Variants in PTPRM observed in about 807,000 individuals in gnomAD.
The protein encoded by PTPRM is receptor-type tyrosine-protein phosphatase mu.
PTPRM carries 47 observed loss-of-function variants against 186.7 expected under a neutral mutation model. The ratio of observed to expected loss-of-function variants is 0.25; its 90% CI spans 0.20 to 0.32. The LOEUF is 0.32. Ranked by LOEUF, PTPRM falls within the 10% of genes least tolerant of loss-of-function variation. The pLI is 1.00. For missense variants in PTPRM, 1,494 were observed against 1,865.0 expected (o/e 0.80, Z 3.66); for synonymous variants, 668 against 674.9 (o/e 0.99, Z 0.16).
chr18:7,791,016 A>G (rs1458995251), intron 2 of PTPRM, among the ~76,000 whole-genome samples: 1 of 152,062 alleles, frequency 6.6e-6, no homozygotes, highest in Admixed American at 6.5e-5. Context: ...TGTCATGTTT[A>G]TTTATTTTTT....
chr18:8,113,491 A>C lies in PTPRM; in HGVS notation c.1862A>C (p.Tyr621Ser), dbSNP rs1344169452. The change falls in exon 12 of 33, where the codon TAT becomes TCT. Residue 621 changes from tyrosine to serine, a missense_variant. Tyr to Ser is a moderately radical substitution (Grantham distance 144). Around this residue, in one of 3 missense-constraint regions of PTPRM, gnomAD observed 1,107 missense variants for 1,350.2 expected, o/e 0.82. Transcript: ENST00000580170. ...TGGTACTCTTGTTTTTCTAGTGTCT[A>C]TCAAATAGTTGTTGAGGAAGAACGT... ...AHSRGAPVSV[Y>S]QIVVEEERPR... 23 of 1,612,808 alleles carry C rather than the reference A, an allele frequency of 1.4e-5. No individual in the cohort carries two copies. The highest frequency in any genetic ancestry group is 1.8e-5 in the Non-Finnish European group (21 of 1,178,932).
At chr18:7,866,664 T>C (rs1261560713) in intron 2 of PTPRM, among the ~76,000 whole-genome samples, 1 of 152,188 alleles carries the variant, frequency 6.6e-6, no homozygotes, top group Non-Finnish European at 1.5e-5. Context: ...TCATATTCTG[T>C]TGATTTGGGG....
At chr18:8,247,520 T>C (rs2094488498) in intron 15 of PTPRM, among the ~76,000 whole-genome samples, 1 of 152,212 alleles carries the variant, frequency 6.6e-6, no homozygotes, top group African/African-American at 2.4e-5. Flanking sequence ...CAGCTTGGCC[T>C]GAGAGCAGAT....
chr18:8,352,653 G>GTTTTTTTTTTTTTT (rs1355276752), intron 23 of PTPRM, among the ~76,000 whole-genome samples: 2 of 121,342 alleles, frequency 1.6e-5, no homozygotes, highest in African/African-American at 2.9e-5. Context: ...TTTTGGTTTG[G>GTTTTTTTTTTTTTT]TTTTTTTTGT....
intron 7 of PTPRM, among the ~76,000 whole-genome samples, chr18:8,063,359 A>T (rs1291055743): frequency 6.6e-6 from 1 of 151,484 alleles, no homozygotes; most frequent in East Asian, 1.9e-4. Flanking sequence ...GGCACTCCCT[A>T]GTGAGATGAA....
intron 14 of PTPRM, among the ~76,000 whole-genome samples, chr18:8,160,214 A>C (rs2093203524): frequency 6.6e-6 from 1 of 152,226 alleles, no homozygotes; most frequent in African/African-American, 2.4e-5. Flanking sequence ...TTGTTCAAAA[A>C]AACGAATAAA....
At chr18:7,766,833 A>G (rs1233834372) in intron 1 of PTPRM, among the ~76,000 whole-genome samples, 1 of 152,208 alleles carries the variant, frequency 6.6e-6, no homozygotes, top group Non-Finnish European at 1.5e-5. Context: ...TAGAGCTAAG[A>G]GGTGTAATAC....
chr18:8,159,464 AAAAAC>A (rs141905043), intron 14 of PTPRM, among the ~76,000 whole-genome samples: 3,440 of 152,336 alleles, frequency 0.023, 135 homozygotes, highest in African/African-American at 0.079. Context: ...ATTTCTTTGT[AAAAAC>A]AAAACAAAAT....
intron 7 of PTPRM, among the ~76,000 whole-genome samples, chr18:7,987,263 T>C (rs1186259539): frequency 2.0e-5 from 3 of 152,202 alleles, no homozygotes; most frequent in African/African-American, 7.2e-5. Context: ...TGTTTAAATA[T>C]TGTTTTAGAA....
intron 2 of PTPRM, among the ~76,000 whole-genome samples, chr18:7,791,083 A>G (rs1412470043): frequency 6.6e-6 from 1 of 152,110 alleles, no homozygotes; most frequent in Non-Finnish European, 1.5e-5. Flanking sequence ...TTCTTTTCCA[A>G]GCTAAATAAT....
At chr18:8,313,413 G>GTT (rs2148020228) in intron 20 of PTPRM, among the ~76,000 whole-genome samples, 1 of 152,138 alleles carries the variant, frequency 6.6e-6, no homozygotes, top group African/African-American at 2.4e-5. Flanking sequence ...CTTTTTAAAG[G>GTT]ACATATATTT....
chr18:8,234,304 G>A (rs1438395809), intron 14 of PTPRM, among the ~76,000 whole-genome samples: 1 of 152,056 alleles, frequency 6.6e-6, no homozygotes, highest in Non-Finnish European at 1.5e-5. Flanking sequence ...GTACGTATTT[G>A]TTAGATTTAT....
Position 7,607,334 on chromosome 18 carries a change from A to T in PTPRM, c.73+39443A>T, listed in dbSNP as rs138852011. ...CTTTTCTTCACTCACTGGCATGTGG[A>T]AAAAGCCTGTTGATAAATTGTGATA... On this transcript the variant is annotated intron_variant, in intron 1 of 32. Coordinates refer to ENST00000580170, the MANE Select transcript of PTPRM (RefSeq NM_001105244.2). 1.1e-4 allele frequency among the ~76,000 whole-genome samples: 16 copies of T among 152,258 alleles called. No individual in the cohort carries two copies. The East Asian group carries it at 2.9e-3, about 28-fold the overall frequency.
At chr18:7,638,005 A>G (rs1223650409) in intron 1 of PTPRM, among the ~76,000 whole-genome samples, 1 of 152,206 alleles carries the variant, frequency 6.6e-6, no homozygotes, top group African/African-American at 2.4e-5. Flanking sequence ...AAAGTTCTCT[A>G]TACTTTTATT....
At chr18:7,930,049 T>A (rs1001028002) in intron 5 of PTPRM, among the ~76,000 whole-genome samples, 8 of 152,098 alleles carry the variant, frequency 5.3e-5, no homozygotes, top group African/African-American at 1.9e-4. Flanking sequence ...TGGGGGTACA[T>A]TGGTGTTTTT....
chr18:7,583,252 G>A (rs1313597211), intron 1 of PTPRM, among the ~76,000 whole-genome samples: 1 of 152,214 alleles, frequency 6.6e-6, no homozygotes, highest in African/African-American at 2.4e-5. Context: ...ACAATTGCAT[G>A]CCACCTAGGT....
At chr18:7,701,487 C>T (rs2039966054) in intron 1 of PTPRM, among the ~76,000 whole-genome samples, 1 of 151,860 alleles carries the variant, frequency 6.6e-6, no homozygotes, top group African/African-American at 2.4e-5. Flanking sequence ...GTAGTCCCAG[C>T]TACTCCAGAG....
intron 10 of PTPRM, among the ~76,000 whole-genome samples, chr18:8,087,179 T>A (rs2090476762): frequency 6.6e-6 from 1 of 152,110 alleles, no homozygotes; most frequent in Non-Finnish European, 1.5e-5. Flanking sequence ...GATTTAAAGA[T>A]GAAATAAGTG....
chr18:7,661,320 C>T (rs1311460999), intron 1 of PTPRM, among the ~76,000 whole-genome samples: 1 of 152,200 alleles, frequency 6.6e-6, no homozygotes, highest in Non-Finnish European at 1.5e-5. Context: ...ACTAAGAAGA[C>T]CTGAGATCTC....
Sources: gnomAD v4.1 joint callset for allele counts (sites outside exome capture counted in the v4.1 genomes callset) on GRCh38, gnomAD v4.1.1 for gene constraint, gnomAD v4.1.1 regional missense constraint, MANE v1.5 for transcripts, NCBI Gene and HGNC (gene_info 2026-07-23, HGNC 2026-07-21) for gene names.